The following INTS9 variants were observed in gnomAD, a reference collection of about 807,000 sequenced individuals.
INTS9 encodes the protein integrator complex subunit 9, also known as protein related to CPSF subunits of 74 kDa.
Under a neutral mutation model 79.7 loss-of-function variants are expected in INTS9, and 55 were observed. The ratio of observed to expected loss-of-function variants is 0.69; its 90% confidence interval spans 0.56 to 0.86. The LOEUF is 0.86. Ranked by LOEUF, INTS9 falls within the 40% of genes least tolerant of loss-of-function variation. The probability of loss-of-function intolerance (pLI) is 0.00; values close to 1 mark genes in which losing one functional copy is unlikely to be tolerated. For synonymous variants in INTS9, 319 were observed against 325.2 expected (o/e 0.98, Z 0.20); for missense variants, 721 against 831.5 (o/e 0.87, Z 1.64).
intron 10 of INTS9, among the ~76,000 whole-genome samples, chr8:28,793,313 T>C (rs960489023): frequency 2.0e-5 from 3 of 152,244 alleles, no homozygotes; most frequent in Non-Finnish European, 4.4e-5. Context: ...CTAAAAAGGT[T>C]CACTAATTTC....
chr8:28,848,097 C>T (rs1478979997), intron 3 of INTS9, among the ~76,000 whole-genome samples: 1 of 152,224 alleles, frequency 6.6e-6, no homozygotes, highest in Non-Finnish European at 1.5e-5. Context: ...CTAATGCTTT[C>T]TCCTCTCACT....
At chr8:28,813,703 T>A (rs958757112) in intron 6 of INTS9, 91 bp from the exon 7 acceptor site, 1 of 1,383,468 alleles carries the variant, frequency 7.2e-7, no homozygotes, top group African/African-American at 1.4e-5. Flanking sequence ...TTGATCCAAA[T>A]GGTTTAATTT....
rs547617129 is a variant in INTS9 at position 28,854,158 on chromosome 8, A to G, written c.138-3885T>C. ...CAGCCTTCCGAGCAGCTGGGACTACAGGTACATACCACCATATCCAGGTAT... is the reference window on the plus strand; with the variant it reads ...CAGCCTTCCGAGCAGCTGGGACTACGGGTACATACCACCATATCCAGGTAT... On this transcript the variant is annotated intron_variant, in intron 2 of 16. Transcript: ENST00000521022. 2.6e-5 allele frequency among the ~76,000 whole-genome samples: 4 copies of G among 152,352 alleles called. No individual in the cohort carries two copies. In the East Asian group the frequency reaches 7.7e-4, roughly 29 times the overall value.
chr8:28,778,393 G>A (rs918419465), intron 12 of INTS9, among the ~76,000 whole-genome samples: 1 of 152,214 alleles, frequency 6.6e-6, no homozygotes, highest in Non-Finnish European at 1.5e-5. Context: ...CCCCCACAAG[G>A]TACTGATTTA....
At chr8:28,864,595 C>T (rs1450541348) in intron 1 of INTS9, among the ~76,000 whole-genome samples, 1 of 152,090 alleles carries the variant, frequency 6.6e-6, no homozygotes, top group Admixed American at 6.5e-5. Context: ...TAACACAGTG[C>T]TTTAATGATG....
intron 12 of INTS9, 116 bp from the exon 13 acceptor site, chr8:28,778,069 G>T (rs755213777): frequency 1.3e-5 from 15 of 1,164,242 alleles, no homozygotes; most frequent in Middle Eastern, 2.5e-4. Flanking sequence ...GAGGGAGCCA[G>T]GAAGCACACG....
intron 6 of INTS9, among the ~76,000 whole-genome samples, chr8:28,815,243 C>A (rs1805400995): frequency 6.6e-6 from 1 of 152,042 alleles, no homozygotes; most frequent in Non-Finnish European, 1.5e-5. Context: ...ATTAGAAATA[C>A]AATGTCATAT....
At chr8:28,815,510 T>C (rs530134098) in intron 6 of INTS9, among the ~76,000 whole-genome samples, 10 of 152,258 alleles carry the variant, frequency 6.6e-5, no homozygotes, top group South Asian at 6.2e-4. Context: ...GAGGCAAACA[T>C]GACGCTTAAA....
chr8:28,869,281 AGTGATCTGCCAGCCTTGGCC>A (rs1808939406), intron 1 of INTS9, among the ~76,000 whole-genome samples: 2 of 152,176 alleles, frequency 1.3e-5, no homozygotes, highest in Non-Finnish European at 1.5e-5. Context: ...GGCTCCAGCA[AGTGATCTGCCAGCCTTGGCC>A]TCCCAAAGTG....
At chr8:28,836,886 A>G (rs1015065506) in intron 5 of INTS9, among the ~76,000 whole-genome samples, 1 of 152,246 alleles carries the variant, frequency 6.6e-6, no homozygotes, top group Non-Finnish European at 1.5e-5. Flanking sequence ...CTAGGAGTCT[A>G]TAGCAATTCT....
chr8:28,783,494 C>T (rs1282434526), intron 11 of INTS9: 4 of 152,260 alleles, frequency 2.6e-5, no homozygotes, highest in African/African-American at 9.7e-5. Flanking sequence ...ATCCTGTTGC[C>T]ACATGTTGTG....
At chr8:28,770,914 A>T in intron 15 of INTS9, 68 bp downstream of exon 15, 5 of 1,066,628 alleles carry the variant, frequency 4.7e-6, no homozygotes, top group Non-Finnish European at 7.1e-6. Flanking sequence ...TTTCAAATAT[A>T]ATCTGTTAGG....
chr8:28,804,377 G>A (rs1804685661), intron 8 of INTS9, among the ~76,000 whole-genome samples: 2 of 152,192 alleles, frequency 1.3e-5, no homozygotes, highest in South Asian at 2.1e-4. Context: ...CCTCTACTGC[G>A]GGTGGAGGAG....
chr8:28,876,624 C>T (rs1044947277), intron 1 of INTS9, among the ~76,000 whole-genome samples: 1 of 152,084 alleles, frequency 6.6e-6, no homozygotes, highest in African/African-American at 2.4e-5. Context: ...ACTACCAAAA[C>T]TCCTATTCCA....
At chr8:28,881,769 C>T (rs1261227156) in intron 1 of INTS9, among the ~76,000 whole-genome samples, 4 of 148,682 alleles carry the variant, frequency 2.7e-5, no homozygotes, top group African/African-American at 4.9e-5. Flanking sequence ...TCTGCCCGGC[C>T]GCCCCTACTG....
At chr8:28,849,379 A>G (rs549715987) in intron 3 of INTS9, among the ~76,000 whole-genome samples, 110 of 152,318 alleles carry the variant, frequency 7.2e-4, no homozygotes, top group Non-Finnish European at 1.3e-3. Flanking sequence ...AAGATAACCT[A>G]ATGTCAAAAA....
chr8:28,823,151 T>C (rs1805946032), intron 6 of INTS9, among the ~76,000 whole-genome samples: 1 of 152,152 alleles, frequency 6.6e-6, no homozygotes, highest in African/African-American at 2.4e-5. Flanking sequence ...CTGAACATGA[T>C]GGGTGGCAGG....
chr8:28,883,878 C>G (rs1810027264), intron 1 of INTS9, among the ~76,000 whole-genome samples: 1 of 152,080 alleles, frequency 6.6e-6, no homozygotes, highest in Non-Finnish European at 1.5e-5. Context: ...TTCAGCAAAC[C>G]AGGAGTGTAT....
At chr8:28,772,632 CCT>C (rs201379760) in intron 14 of INTS9, among the ~76,000 whole-genome samples, 2,522 of 151,998 alleles carry the variant, frequency 0.017, 31 homozygotes, top group Non-Finnish European at 0.027. Context: ...ACAGTGAAAC[CCT>C]GTCTCTACTA....
Sources: allele counts gnomAD v4.1 joint callset (sites outside exome capture counted in the v4.1 genomes callset), GRCh38; gene constraint gnomAD v4.1.1; transcripts MANE v1.5; gene names NCBI Gene and HGNC (gene_info 2026-07-23, HGNC 2026-07-21).